Variants in BABAM2 observed in about 807,000 individuals in gnomAD.
The protein encoded by BABAM2 is BRISC and BRCA1 A complex member 2, also known as BRISC and BRCA1-A complex member 2.
In BABAM2, 31 loss-of-function variants were observed where a neutral mutation model predicts 54.7. That is an observed-to-expected ratio of 0.57 (90% CI 0.43 to 0.77). BABAM2 has a LOEUF of 0.77. Among genes scored for constraint, BABAM2 ranks in the 30% least tolerant of loss-of-function variants. The pLI, the probability that BABAM2 is intolerant of heterozygous loss-of-function variation, is 0.00. For synonymous variants in BABAM2, 167 were observed against 162.9 expected, an observed-to-expected ratio of 1.03 and a Z score of -0.19; for missense variants, 364 against 455.8, an observed-to-expected ratio of 0.80 and a Z score of 1.83.
intron 11 of BABAM2, among the ~76,000 whole-genome samples, chr2:28,330,564 A>T (rs1690865036): frequency 6.6e-6 from 1 of 152,226 alleles, no homozygotes; most frequent in African/African-American, 2.4e-5. Context: ...CCAAATCATG[A>T]ATGAACTCCC....
chr2:28,155,281 TTAAC>T (rs1490406748), intron 7 of BABAM2, among the ~76,000 whole-genome samples: 1 of 152,196 alleles, frequency 6.6e-6, no homozygotes, highest in South Asian at 2.1e-4. Context: ...AAGTATATGT[TTAAC>T]TAGCACAACT....
chr2:28,112,551 G>A (rs2148731433), intron 6 of BABAM2, among the ~76,000 whole-genome samples: 1 of 152,058 alleles, frequency 6.6e-6, no homozygotes, highest in East Asian at 1.9e-4. Context: ...CCTTTTTTAT[G>A]ACTGGATAGT....
At chr2:28,275,648 A>C (rs190689629) in intron 10 of BABAM2, among the ~76,000 whole-genome samples, 78 of 152,338 alleles carry the variant, frequency 5.1e-4, no homozygotes, top group Non-Finnish European at 7.9e-4. Flanking sequence ...TATTTAATAC[A>C]TATGCATTTA....
At chr2:28,327,288 G>A (rs1472575607) in intron 11 of BABAM2, 3 of 1,607,446 alleles carry the variant, frequency 1.9e-6, no homozygotes, top group Non-Finnish European at 2.5e-6. Context: ...TGCCAAGGGA[G>A]CAGAGATGCC....
intron 7 of BABAM2, among the ~76,000 whole-genome samples, chr2:28,165,510 CT>C (rs1212647867): frequency 0.034 from 2,766 of 81,364 alleles, 89 homozygotes; most frequent in African/African-American, 0.11. Context: ...GGCACTGAAG[CT>C]TTTTTTTTTT....
chr2:28,273,892 A>G (rs1278197534), intron 10 of BABAM2, among the ~76,000 whole-genome samples: 2 of 152,126 alleles, frequency 1.3e-5, no homozygotes, highest in African/African-American at 2.4e-5. Flanking sequence ...TGAGATTGAC[A>G]CTTACCCTGC....
At chr2:28,201,067 G>A (rs1460011149) in intron 7 of BABAM2, among the ~76,000 whole-genome samples, 4 of 152,120 alleles carry the variant, frequency 2.6e-5, no homozygotes, top group Non-Finnish European at 4.4e-5. Flanking sequence ...CACCATGCCC[G>A]GCCTCTGTGA....
intron 4 of BABAM2, among the ~76,000 whole-genome samples, chr2:28,023,621 C>T (rs1675432899): frequency 6.6e-6 from 1 of 152,286 alleles, no homozygotes; most frequent in East Asian, 1.9e-4. Context: ...GAAGCTCTTA[C>T]CTTTTCCTCT....
intron 7 of BABAM2, among the ~76,000 whole-genome samples, chr2:28,234,555 A>G (rs1447746283): frequency 1.3e-5 from 2 of 152,216 alleles, no homozygotes; most frequent in Non-Finnish European, 2.9e-5. Flanking sequence ...TATAAGTCAA[A>G]GCCTATTACT....
At chr2:28,132,225 G>A (rs1436316674) in intron 7 of BABAM2, among the ~76,000 whole-genome samples, 4 of 148,630 alleles carry the variant, frequency 2.7e-5, no homozygotes, top group Admixed American at 1.4e-4. Flanking sequence ...TGCAAGCTCC[G>A]CCTCCCGGGT....
intron 6 of BABAM2, among the ~76,000 whole-genome samples, chr2:28,084,848 G>A (rs1387885304): frequency 1.3e-5 from 2 of 152,114 alleles, no homozygotes; most frequent in Non-Finnish European, 2.9e-5. Context: ...AACCTTAACT[G>A]TCTACATTTT....
chr2:28,083,913 G>GC (rs576990917), intron 6 of BABAM2, among the ~76,000 whole-genome samples: 66 of 152,128 alleles, frequency 4.3e-4, no homozygotes, highest in Non-Finnish European at 8.5e-4. Context: ...AAAACACATA[G>GC]CCCCCCTTCC....
At chr2:28,041,108 T>C (rs1326091947) in intron 5 of BABAM2, among the ~76,000 whole-genome samples, 1 of 152,234 alleles carries the variant, frequency 6.6e-6, no homozygotes, top group African/African-American at 2.4e-5. Context: ...GTAATTATCT[T>C]TCCTATTACC....
chr2:28,074,799 C>T (rs987298571), intron 6 of BABAM2, among the ~76,000 whole-genome samples: 8 of 152,066 alleles, frequency 5.3e-5, no homozygotes, highest in Non-Finnish European at 1.2e-4. Flanking sequence ...TTCACCACCC[C>T]GAGACTCTCC....
At chr2:28,176,569 CAAAAAA>C (rs778275011) in intron 7 of BABAM2, among the ~76,000 whole-genome samples, 147 of 5,030 alleles carry the variant, frequency 0.029, 2 homozygotes, top group African/African-American at 0.087. Context: ...GACTCTATCT[CAAAAAA>C]AAAAAAAAAA....
intron 6 of BABAM2, among the ~76,000 whole-genome samples, chr2:28,111,330 C>T (rs1029656575): frequency 3.3e-5 from 5 of 151,844 alleles, no homozygotes; most frequent in Non-Finnish European, 5.9e-5. Context: ...GTTCTTTGCC[C>T]GTTTTTGAAT....
chr2:27,959,703 C>T (rs866251024), intron 3 of BABAM2, among the ~76,000 whole-genome samples: 54 of 152,206 alleles, frequency 3.5e-4, no homozygotes, highest in Admixed American at 7.8e-4. Context: ...GTCTGACTTG[C>T]GTAATTTTCC....
intron 10 of BABAM2, among the ~76,000 whole-genome samples, chr2:28,265,764 A>G (rs893068373): frequency 3.9e-5 from 6 of 152,112 alleles, no homozygotes; most frequent in Non-Finnish European, 5.9e-5. Flanking sequence ...CATACAAAAC[A>G]TAGGGACTCT....
intron 10 of BABAM2, among the ~76,000 whole-genome samples, chr2:28,284,593 C>G (rs960621936): frequency 6.6e-6 from 1 of 152,088 alleles, no homozygotes; most frequent in African/African-American, 2.4e-5. Context: ...CTGCAGGACC[C>G]CATTTGACCG....
Sources: gnomAD v4.1 joint callset for allele counts (sites outside exome capture counted in the v4.1 genomes callset) on GRCh38, gnomAD v4.1.1 for gene constraint, MANE v1.5 for transcripts, NCBI Gene and HGNC (gene_info 2026-07-23, HGNC 2026-07-21) for gene names.